Variants in CDH4 observed in about 807,000 individuals in gnomAD.
CDH4 encodes cadherin 4.
Under a neutral mutation model 86.0 loss-of-function variants are expected in CDH4, and 33 were observed. That is an observed-to-expected ratio of 0.38 (90% CI 0.29 to 0.51). The LOEUF is 0.51. CDH4 is among the 20% of genes least tolerant of loss of function. CDH4 has a pLI of 0.86. For missense variants in CDH4, 1,114 were observed against 1,307.4 expected (o/e 0.85, Z 2.28); for synonymous variants, 555 against 549.4 (o/e 1.01, Z -0.14).
intron 6 of CDH4, among the ~76,000 whole-genome samples, chr20:61,868,719 C>T (rs574389067): frequency 2.0e-5 from 3 of 152,328 alleles, no homozygotes; most frequent in Admixed American, 6.5e-5. Context: ...TGTCCCCCCA[C>T]ACTGGGCAGG....
At chr20:61,707,391 G>A (rs770264332) in intron 2 of CDH4, among the ~76,000 whole-genome samples, 12 of 152,248 alleles carry the variant, frequency 7.9e-5, no homozygotes, top group Non-Finnish European at 1.6e-4. Context: ...GTTATACAGG[G>A]AAAGGACATC....
chr20:61,486,367 T>C lies in CDH4; in HGVS notation c.169+231430T>C, dbSNP rs114541593. Among the ~76,000 whole-genome samples the C allele has an allele frequency of 3.1e-3, 475 of 152,280 alleles. 7 individuals are homozygous for C. The highest frequency in any genetic ancestry group is 0.01 in the African/African-American group (436 of 41,562). ...GACTGGTAGCATTCACACATGGACA[T>C]CACAGTCCCAGGACAGGTCCTGTGT... On this transcript the variant is annotated intron_variant, in intron 2 of 15. Transcript: ENST00000614565.
intron 6 of CDH4, among the ~76,000 whole-genome samples, chr20:61,869,008 G>C (rs1008792235): frequency 6.6e-6 from 1 of 152,180 alleles, no homozygotes; most frequent in Non-Finnish European, 1.5e-5. Context: ...AAAGCCTCTA[G>C]ACGTGGCAAA....
chr20:61,503,948 C>A (rs2085722186), intron 2 of CDH4, among the ~76,000 whole-genome samples: 1 of 152,198 alleles, frequency 6.6e-6, no homozygotes, highest in Non-Finnish European at 1.5e-5. Flanking sequence ...AGAACATGAG[C>A]CAGGTCGGCC....
intron 3 of CDH4, among the ~76,000 whole-genome samples, chr20:61,763,338 TC>T (rs1171151894): frequency 6.6e-6 from 1 of 152,178 alleles, no homozygotes; most frequent in African/African-American, 2.4e-5. Context: ...CAGGCCCTGT[TC>T]CCCTCTTCCA....
At chr20:61,594,065 G>C (rs528300836) in intron 2 of CDH4, among the ~76,000 whole-genome samples, 39 of 92,760 alleles carry the variant, frequency 4.2e-4, no homozygotes, top group African/African-American at 1.6e-3. Flanking sequence ...AGGGTAGGGG[G>C]AAGGGTTGGG....
chr20:61,337,106 G>T (rs1430680120), intron 2 of CDH4, among the ~76,000 whole-genome samples: 1 of 151,964 alleles, frequency 6.6e-6, no homozygotes, highest in African/African-American at 2.4e-5. Context: ...TGAACAAGCT[G>T]CTTTCCCTCT....
intron 1 of CDH4, among the ~76,000 whole-genome samples, chr20:61,253,376 CG>C (rs1361421674): frequency 1.3e-5 from 2 of 151,896 alleles, no homozygotes; most frequent in East Asian, 3.9e-4. Context: ...GCGCGGCCCG[CG>C]GGGGCAGAGA....
chr20:61,304,842 G>A lies in CDH4; in HGVS notation c.169+49905G>A, dbSNP rs189088970. Among the ~76,000 whole-genome samples, 7 of 150,944 alleles carry A rather than the reference G, an allele frequency of 4.6e-5. No homozygotes were observed. In the South Asian group the frequency reaches 8.5e-4, roughly 18 times the overall value. ...GTGTACAGTGTGTCCTTTGTGTTGC[G>A]CATGCAGCACGTGTATTGTGTGTGT... On this transcript the variant is annotated intron_variant, in intron 2 of 15. Transcript: ENST00000614565.
At position 61,663,362 on chromosome 20, in the gene CDH4, G is replaced by A. The variant is rs189640893; in HGVS notation, c.170-80201G>A. Among the ~76,000 whole-genome samples, 201 of 152,350 alleles carry A rather than the reference G, an allele frequency of 1.3e-3. No homozygotes were observed. The highest frequency in any genetic ancestry group is 2.2e-3 in the Non-Finnish European group (153 of 68,024). On this transcript the variant is annotated intron_variant, in intron 2 of 15. Transcript: ENST00000614565. The surrounding 1 kb of genome is among the most constrained non-coding windows in gnomAD (Gnocchi z 5.0). ...GTGACGCTGGGGCAGGGGCTGCTGC[G>A]GACAAGCGTTGGGAGGCCTCTCTGA...
chr20:61,452,089 C>T (rs185822323), intron 2 of CDH4, among the ~76,000 whole-genome samples: 1 of 152,288 alleles, frequency 6.6e-6, no homozygotes, highest in East Asian at 1.9e-4. Flanking sequence ...TGGATTGTGA[C>T]GCTGGCTCAG....
intron 4 of CDH4, among the ~76,000 whole-genome samples, chr20:61,812,271 C>A (rs1480641480): frequency 6.6e-6 from 1 of 152,110 alleles, no homozygotes. Context: ...CGGTCTCAGC[C>A]CCATCCCTGC....
chr20:61,405,739 G>C (rs1252179309), intron 2 of CDH4, among the ~76,000 whole-genome samples: 1 of 151,624 alleles, frequency 6.6e-6, no homozygotes, highest in East Asian at 1.9e-4. Flanking sequence ...TGTCACCCAG[G>C]CTGGAGTGCA....
intron 2 of CDH4, among the ~76,000 whole-genome samples, chr20:61,566,948 C>T (rs1331581298): frequency 1.3e-5 from 2 of 152,144 alleles, no homozygotes; most frequent in African/African-American, 4.8e-5. Flanking sequence ...CGGCTGTTGC[C>T]AGCGGCGGTG....
intron 2 of CDH4, among the ~76,000 whole-genome samples, chr20:61,365,236 G>C (rs2084804954): frequency 6.6e-6 from 1 of 152,080 alleles, no homozygotes; most frequent in Non-Finnish European, 1.5e-5. Context: ...TGTCTTTTTT[G>C]GTGAATAATC....
chr20:61,325,715 A>G (rs2084533493), intron 2 of CDH4, among the ~76,000 whole-genome samples: 1 of 152,042 alleles, frequency 6.6e-6, no homozygotes, highest in South Asian at 2.1e-4. Flanking sequence ...AATGTGCAAG[A>G]GTGTTTATAG....
At chr20:61,846,000 G>A (rs977319685) in intron 5 of CDH4, among the ~76,000 whole-genome samples, 3 of 152,370 alleles carry the variant, frequency 2.0e-5, no homozygotes, top group Admixed American at 2.0e-4. Context: ...TACAGAGCCT[G>A]GCCTTCAGGG....
chr20:61,331,420 T>C (rs1314967564), intron 2 of CDH4, among the ~76,000 whole-genome samples: 1 of 152,026 alleles, frequency 6.6e-6, no homozygotes, highest in Admixed American at 6.6e-5. Flanking sequence ...CAACTCCCAC[T>C]GGCTGGCCTG....
intron 2 of CDH4, among the ~76,000 whole-genome samples, chr20:61,313,792 A>G (rs947608853): frequency 1.1e-4 from 16 of 152,252 alleles, no homozygotes; most frequent in African/African-American, 3.9e-4. Context: ...GCTGGAGTGC[A>G]GTGGTGCAAT....
Sources: gnomAD v4.1 joint callset for allele counts (sites outside exome capture counted in the v4.1 genomes callset) on GRCh38, gnomAD v4.1.1 for gene constraint, Gnocchi (gnomAD v3.1) non-coding constraint, MANE v1.5 for transcripts, NCBI Gene and HGNC (gene_info 2026-07-23, HGNC 2026-07-21) for gene names.